WDPCP: variants seen among roughly 807,000 people sequenced by gnomAD.
WDPCP encodes the protein WD repeat containing planar cell polarity effector.
In WDPCP, 71 loss-of-function variants were observed where a neutral mutation model predicts 93.1. That is an observed-to-expected ratio of 0.76 (90% CI 0.63 to 0.93). The LOEUF is 0.93. WDPCP is among the 40% of genes least tolerant of loss of function. The pLI, the probability that WDPCP is intolerant of heterozygous loss-of-function variation, is 0.00. For missense variants in WDPCP, 844 were observed against 887.4 expected (o/e 0.95, Z 0.62); for synonymous variants, 315 against 315.0 (o/e 1.00, Z 0.00).
chr2:63,452,431 C>T (rs138039993), intron 6 of WDPCP, among the ~76,000 whole-genome samples: 3,106 of 152,022 alleles, frequency 0.02, 123 homozygotes, highest in African/African-American at 0.071. Context: ...CACTACTCAA[C>T]GAAATAAAAG....
At chr2:63,337,619 A>G (rs997276377) in intron 12 of WDPCP, among the ~76,000 whole-genome samples, 2 of 152,196 alleles carry the variant, frequency 1.3e-5, no homozygotes, top group African/African-American at 4.8e-5. Flanking sequence ...TTACATTCTC[A>G]CCAACGGTGT....
intron 2 of WDPCP, among the ~76,000 whole-genome samples, chr2:63,792,332 G>A (rs1428248402): frequency 3.3e-5 from 5 of 152,138 alleles, no homozygotes; most frequent in African/African-American, 4.8e-5. Context: ...TGTCAAACAC[G>A]TATAAAACCA....
chr2:63,244,235 A>G (rs1396905205), intron 14 of WDPCP, among the ~76,000 whole-genome samples: 1 of 152,186 alleles, frequency 6.6e-6, no homozygotes, highest in East Asian at 1.9e-4. Flanking sequence ...TTAAGAGGAA[A>G]GTTTATAGTT....
chr2:63,700,617 C>T (rs554182648), intron 2 of WDPCP, among the ~76,000 whole-genome samples: 2 of 152,034 alleles, frequency 1.3e-5, no homozygotes, highest in African/African-American at 2.4e-5. Context: ...CTTTTTCTCT[C>T]GCATACAGTG....
chr2:63,211,204 C>T lies in WDPCP; in HGVS notation c.1916-36372G>A, dbSNP rs111922407. Among the ~76,000 whole-genome samples, 1,390 of 152,336 alleles carry T rather than the reference C, an allele frequency of 9.1e-3. 14 individuals carry two copies. The highest frequency in any genetic ancestry group is 0.016 in the Non-Finnish European group (1,074 of 68,026). ...CGAGTAGCCTAACTGGGAGGCATCG[C>T]TGAGTAGGGGCTGACTGACACCTCA... On this transcript the variant is annotated intron_variant, in intron 14 of 17. Transcript: ENST00000272321.
At chr2:63,732,570 T>C (rs1159062304) in intron 2 of WDPCP, among the ~76,000 whole-genome samples, 1 of 152,190 alleles carries the variant, frequency 6.6e-6, no homozygotes, top group African/African-American at 2.4e-5. Flanking sequence ...ACCTGAGTAC[T>C]ATATAAAAAT....
intron 2 of WDPCP, among the ~76,000 whole-genome samples, chr2:63,801,654 T>C (rs957818282): frequency 2.0e-5 from 3 of 152,200 alleles, no homozygotes; most frequent in Non-Finnish European, 4.4e-5. Context: ...AGAACACTGA[T>C]TGGTGCGTTT....
intron 17 of WDPCP, among the ~76,000 whole-genome samples, chr2:63,146,901 T>C (rs188720829): frequency 9.1e-4 from 138 of 152,364 alleles, no homozygotes; most frequent in Non-Finnish European, 1.4e-3. Flanking sequence ...GGCATACGGA[T>C]GTTTACTGTA....
chr2:63,526,427 A>G (rs1703341771), intron 1 of WDPCP, among the ~76,000 whole-genome samples: 2 of 152,182 alleles, frequency 1.3e-5, no homozygotes, highest in Admixed American at 1.3e-4. Flanking sequence ...GGAATTTTTT[A>G]AAGGGAAAAG....
At chr2:63,706,102 C>A (rs1225768103) in intron 2 of WDPCP, among the ~76,000 whole-genome samples, 1 of 151,970 alleles carries the variant, frequency 6.6e-6, no homozygotes, top group African/African-American at 2.4e-5. Context: ...CTGTTTTATC[C>A]AAGACTAGGA....
intron 1 of WDPCP, among the ~76,000 whole-genome samples, chr2:63,510,295 A>T (rs1702147171): frequency 6.6e-6 from 1 of 152,166 alleles, no homozygotes; most frequent in Non-Finnish European, 1.5e-5. Context: ...ATCAATAAGC[A>T]TAATTCATCA....
intron 2 of WDPCP, among the ~76,000 whole-genome samples, chr2:63,702,077 G>C (rs1669061677): frequency 6.6e-6 from 1 of 152,142 alleles, no homozygotes. Context: ...CCAGGCTGGA[G>C]TGCAATGGCA....
At chr2:63,538,661 G>T (rs1258355082) in intron 1 of WDPCP, among the ~76,000 whole-genome samples, 1 of 151,948 alleles carries the variant, frequency 6.6e-6, no homozygotes, top group Non-Finnish European at 1.5e-5. Context: ...AATCACTAGT[G>T]TCAACACCTC....
chr2:63,751,873 C>G, intron 2 of WDPCP: 1 of 683,150 alleles, frequency 1.5e-6, no homozygotes, highest in Non-Finnish European at 2.7e-6. Context: ...ATTGTAGCTT[C>G]CACCACCTTC....
chr2:63,239,622 A>G (rs1223233200), intron 14 of WDPCP, among the ~76,000 whole-genome samples: 4 of 152,186 alleles, frequency 2.6e-5, no homozygotes, highest in Non-Finnish European at 5.9e-5. Flanking sequence ...TTATACATGT[A>G]AAATATCTGT....
At chr2:63,312,675 A>G (rs1686268852) in intron 13 of WDPCP, among the ~76,000 whole-genome samples, 1 of 152,204 alleles carries the variant, frequency 6.6e-6, no homozygotes, top group South Asian at 2.1e-4. Context: ...AACCTGATAC[A>G]GAGTACAAGG....
At chr2:63,539,490 G>A (rs1318760109) in intron 1 of WDPCP, among the ~76,000 whole-genome samples, 1 of 152,184 alleles carries the variant, frequency 6.6e-6, no homozygotes, top group Non-Finnish European at 1.5e-5. Context: ...GAGGCCAGGA[G>A]TTTGAAACCA....
chr2:63,308,750 G>A (rs962762201), intron 13 of WDPCP, among the ~76,000 whole-genome samples: 4 of 152,094 alleles, frequency 2.6e-5, no homozygotes, highest in South Asian at 2.1e-4. Flanking sequence ...TCAGGGGGTC[G>A]GGGGCTAGGG....
intron 14 of WDPCP, among the ~76,000 whole-genome samples, chr2:63,199,189 A>G (rs1675693265): frequency 2.0e-5 from 3 of 152,200 alleles, no homozygotes; most frequent in Non-Finnish European, 4.4e-5. Context: ...ACTGGAATTT[A>G]TATTTAAAGG....
Sources: gnomAD v4.1 joint callset for allele counts (sites outside exome capture counted in the v4.1 genomes callset) on GRCh38, gnomAD v4.1.1 for gene constraint, MANE v1.5 for transcripts, NCBI Gene and HGNC (gene_info 2026-07-23, HGNC 2026-07-21) for gene names.